The following MYL1 variants were observed in gnomAD, a reference collection of about 807,000 sequenced individuals.
MYL1 encodes myosin light chain 1.
MYL1 carries 16 observed loss-of-function variants against 21.8 expected under a neutral mutation model. The ratio of observed to expected loss-of-function variants is 0.74; its 90% CI spans 0.50 to 1.12. The LOEUF is 1.12. Ranked by LOEUF, MYL1 falls within the 50% of genes most tolerant of loss-of-function variation. The probability of loss-of-function intolerance (pLI) is 0.00; values close to 1 mark genes in which losing one functional copy is unlikely to be tolerated. For synonymous variants in MYL1, 99 were observed against 85.2 expected (o/e 1.16, Z -0.89); for missense variants, 246 against 241.0 (o/e 1.02, Z -0.14).
intron 1 of MYL1, among the ~76,000 whole-genome samples, chr2:210,305,274 T>C (rs554478965): frequency 6.6e-5 from 10 of 152,246 alleles, no homozygotes; most frequent in Non-Finnish European, 1.3e-4. Context: ...AGATTGAAAA[T>C]ACAATTTTAA....
chr2:210,296,991 TTGTGTG>T (rs36073440), intron 3 of MYL1, among the ~76,000 whole-genome samples: 7 of 143,232 alleles, frequency 4.9e-5, no homozygotes, highest in African/African-American at 7.7e-5. Context: ...TAGTATTCCA[TTGTGTG>T]TGTGTGTGTG....
At chr2:210,306,786 C>T (rs553244918) in intron 1 of MYL1, among the ~76,000 whole-genome samples, 1 of 151,124 alleles carries the variant, frequency 6.6e-6, no homozygotes, top group African/African-American at 2.4e-5. Context: ...GGCGTGATCT[C>T]GGCTCACTGC....
chr2:210,312,370 C>G (rs1006030432), intron 1 of MYL1, among the ~76,000 whole-genome samples: 5 of 151,578 alleles, frequency 3.3e-5, no homozygotes, highest in African/African-American at 1.2e-4. Flanking sequence ...TATAACAGCT[C>G]TATTAATTTC....
At chr2:210,298,341 C>CACACAA in intron 3 of MYL1, 79 bp downstream of exon 3, 1 of 394,812 alleles carries the variant, frequency 2.5e-6, no homozygotes, top group Non-Finnish European at 4.0e-6. Context: ...ACACATACTA[C>CACACAA]ACACACACAC....
At chr2:210,300,775 G>C (rs1266960900) in intron 2 of MYL1, among the ~76,000 whole-genome samples, 1 of 152,046 alleles carries the variant, frequency 6.6e-6, no homozygotes, top group African/African-American at 2.4e-5. Flanking sequence ...ACAAGACTTA[G>C]ACCTTTAGAA....
chr2:210,314,694 A>G (rs1019826309), intron 1 of MYL1, among the ~76,000 whole-genome samples: 2 of 152,246 alleles, frequency 1.3e-5, no homozygotes, highest in Non-Finnish European at 2.9e-5. Flanking sequence ...TAAAAAATAG[A>G]GCAAGCACAG....
In MYL1 at chr2:210,293,762, C is replaced by G; in HGVS notation, c.517G>C (p.Ala173Pro). 1.2e-6 allele frequency: 2 copies of G among 1,614,058 alleles called. No homozygotes were observed. Among genetic ancestry groups the G allele is most frequent in the South Asian group, 1.1e-5 (1 of 91,086 alleles). Residue 173 changes from alanine to proline, a missense_variant, in exon 5 of 7, where the codon GCA (alanine) becomes CCA (proline). Coordinates refer to ENST00000352451, the MANE Select transcript of MYL1 (RefSeq NM_079420.3). ...CAGCCATTGGAGTCTTCTTGACCTG[C>G]CATCAGGGCTTCCACTTCTTCCTCT... ...MKEEEVEALM[A>P]GQEDSNGCIN... is the part of the protein sequence containing the mutation.
At chr2:210,299,974 A>G (rs1486149524) in intron 2 of MYL1, among the ~76,000 whole-genome samples, 1 of 152,150 alleles carries the variant, frequency 6.6e-6, no homozygotes, top group East Asian at 1.9e-4. Context: ...ACAATTCACT[A>G]CAGATCATGT....
At chr2:210,294,888 G>T (rs1275419011) in intron 3 of MYL1, among the ~76,000 whole-genome samples, 2 of 152,162 alleles carry the variant, frequency 1.3e-5, no homozygotes, top group African/African-American at 4.8e-5. Flanking sequence ...GATTAATACA[G>T]TAAAACTTAG....
intron 5 of MYL1, 28 bp from the exon 6 acceptor site, chr2:210,291,102 CAATT>C: frequency 6.3e-7 from 1 of 1,590,630 alleles, no homozygotes; most frequent in Non-Finnish European, 8.6e-7. Context: ...ACAAAATAGA[CAATT>C]TAGAGTTAGG....
intron 2 of MYL1, among the ~76,000 whole-genome samples, chr2:210,301,750 G>T (rs998585162): frequency 4.6e-5 from 7 of 152,106 alleles, no homozygotes; most frequent in Admixed American, 2.0e-4. Flanking sequence ...TGAAAAGGTT[G>T]ACTTTTTAGG....
At chr2:210,305,367 T>TA (rs1404873023) in intron 1 of MYL1, among the ~76,000 whole-genome samples, 1 of 151,898 alleles carries the variant, frequency 6.6e-6, no homozygotes, top group African/African-American at 2.4e-5. Flanking sequence ...AATAGAAAAA[T>TA]AAAAAATGCT....
At chr2:210,299,990 T>C (rs1311905721) in intron 2 of MYL1, among the ~76,000 whole-genome samples, 1 of 152,196 alleles carries the variant, frequency 6.6e-6, no homozygotes, top group Non-Finnish European at 1.5e-5. Context: ...CATGTTACCA[T>C]TATTTGTTAA....
chr2:210,293,924 T>C (rs774550334), intron 4 of MYL1, 124 bp from the exon 5 acceptor site: 50 of 820,690 alleles, frequency 6.1e-5, no homozygotes, highest in African/African-American at 8.5e-5. Context: ...GACTTTCCCA[T>C]TCTTTTGGTA....
chr2:210,297,738 C>T (rs1690199424), intron 3 of MYL1, among the ~76,000 whole-genome samples: 1 of 151,920 alleles, frequency 6.6e-6, no homozygotes, highest in African/African-American at 2.4e-5. Context: ...AATTTTGCCA[C>T]TAACATTTAT....
intron 5 of MYL1, 152 bp downstream of exon 5, chr2:210,293,571 T>C: frequency 1.6e-6 from 1 of 627,372 alleles, no homozygotes; most frequent in Non-Finnish European, 2.8e-6. Context: ...GTTATTTATA[T>C]GTTCAGATCC....
chr2:210,298,390 C>T (rs1690212228), intron 3 of MYL1, 30 bp downstream of exon 3: 3 of 1,608,366 alleles, frequency 1.9e-6, no homozygotes, highest in Non-Finnish European at 2.5e-6. Context: ...CCCTATACTT[C>T]CACACTTCTT....
chr2:210,300,483 G>T (rs910770025), intron 2 of MYL1, among the ~76,000 whole-genome samples: 18 of 152,064 alleles, frequency 1.2e-4, no homozygotes, highest in African/African-American at 3.9e-4. Context: ...ACAGAGTGGA[G>T]TTGTTTTTAC....
intron 5 of MYL1, 143 bp from the exon 6 acceptor site, chr2:210,291,217 G>T: frequency 1.6e-6 from 1 of 635,880 alleles, no homozygotes; most frequent in Non-Finnish European, 2.7e-6. Flanking sequence ...GGTGTGTATA[G>T]CTCATAATTC....
Sources: gnomAD v4.1 joint callset for allele counts (sites outside exome capture counted in the v4.1 genomes callset) on GRCh38, gnomAD v4.1.1 for gene constraint, MANE v1.5 for transcripts, NCBI Gene and HGNC (gene_info 2026-07-23, HGNC 2026-07-21) for gene names.